FAM13A: variants seen among roughly 807,000 people sequenced by gnomAD.
FAM13A encodes the protein family with sequence similarity 13 member A.
A neutral mutation model predicts 129.6 loss-of-function variants in FAM13A; 76 were observed. The observed-to-expected ratio is 0.59, with a 90% CI of 0.49 to 0.71. FAM13A has a LOEUF of 0.71. FAM13A is among the 30% of genes least tolerant of loss of function. The probability of loss-of-function intolerance (pLI) is 0.00; values close to 1 mark genes in which losing one functional copy is unlikely to be tolerated. For missense variants in FAM13A, 1,108 were observed against 1,249.3 expected (o/e 0.89, Z 1.70); for synonymous variants, 443 against 449.9 (o/e 0.98, Z 0.20).
intron 1 of FAM13A, among the ~76,000 whole-genome samples, chr4:89,044,134 C>A (rs1708682): frequency 2.7e-5 from 4 of 148,626 alleles, no homozygotes; most frequent in African/African-American, 5.0e-5. Flanking sequence ...AAAGACACAA[C>A]ACATAGAATA....
chr4:89,040,286 C>T (rs1769940968), intron 1 of FAM13A, among the ~76,000 whole-genome samples: 1 of 152,068 alleles, frequency 6.6e-6, no homozygotes, highest in African/African-American at 2.4e-5. Flanking sequence ...TCACGGAATG[C>T]TGACTTTTAA....
chr4:88,995,042 G>A (rs1763363018), intron 3 of FAM13A, among the ~76,000 whole-genome samples: 1 of 151,086 alleles, frequency 6.6e-6, no homozygotes, highest in African/African-American at 2.5e-5. Flanking sequence ...TATATTTGTT[G>A]CACACTATGT....
chr4:88,736,074 C>T (rs1738923047), intron 21 of FAM13A, among the ~76,000 whole-genome samples: 1 of 152,110 alleles, frequency 6.6e-6, no homozygotes, highest in Admixed American at 6.5e-5. Context: ...TCTCCAATTA[C>T]TGTGGTTTCA....
rs532525831 is a variant in FAM13A at position 88,766,737 on chromosome 4, C to A, written c.1578+816G>T. ...ATTTAATATATGTTGTTGAATAAAT[C>A]CATCAGTGAATTAGGTCAGTGCCCA... is the stretch of plus-strand genomic sequence containing the variant. On this transcript the variant is annotated intron_variant, in intron 13 of 23. Transcript: ENST00000264344. 3.3e-5 allele frequency among the ~76,000 whole-genome samples: 5 copies of A among 152,260 alleles called. No homozygotes were observed. In the East Asian group the frequency reaches 9.6e-4, roughly 29 times the overall value.
At chr4:88,864,597 C>T (rs758892180) in intron 6 of FAM13A, among the ~76,000 whole-genome samples, 26 of 151,850 alleles carry the variant, frequency 1.7e-4, no homozygotes, top group East Asian at 1.4e-3. Flanking sequence ...TTAGTAGAGA[C>T]GGGGTTTCAC....
intron 6 of FAM13A, among the ~76,000 whole-genome samples, chr4:88,880,105 G>A (rs761755353): frequency 2.0e-5 from 3 of 152,120 alleles, no homozygotes; most frequent in Admixed American, 6.5e-5. Context: ...CTCCGACTTA[G>A]AAGGAGAGAG....
At chr4:88,747,946 G>A in intron 17 of FAM13A, 95 bp from the exon 18 acceptor site, 2 of 863,244 alleles carry the variant, frequency 2.3e-6, no homozygotes, top group East Asian at 2.7e-5. Context: ...TTGGAGTGCA[G>A]TGGCACGATC....
In FAM13A at chr4:88,979,396, C is replaced by A. The variant is rs1352088184; in HGVS notation, c.605+11577G>T. On this transcript the variant is annotated intron_variant, in intron 4 of 23. Coordinates refer to ENST00000264344, the MANE Select transcript of FAM13A (RefSeq NM_014883.4). ...ATGTTCAAGAATAGTTCCTGCAATG[C>A]TGTTTATAAGGGAAACAGTTATTAA... 7.2e-5 allele frequency among the ~76,000 whole-genome samples: 11 copies of A among 152,286 alleles called. 1 individual carries two copies. In the South Asian group the frequency reaches 2.3e-3, roughly 32 times the overall value.
intron 8 of FAM13A, among the ~76,000 whole-genome samples, chr4:88,804,655 G>T (rs931980806): frequency 4.6e-5 from 7 of 151,938 alleles, no homozygotes; most frequent in Non-Finnish European, 8.8e-5. Context: ...TCTGTGAATG[G>T]GTCTTGTACC....
intron 23 of FAM13A, 56 bp from the exon 24 acceptor site, chr4:88,728,715 A>G: frequency 6.3e-6 from 10 of 1,588,820 alleles, no homozygotes; most frequent in Non-Finnish European, 8.6e-6. Flanking sequence ...TTTGCTAGAT[A>G]CTATTCATCG....
Position 88,746,978 on chromosome 4 carries a change from G to A in FAM13A, c.2420C>T (p.Ala807Val), listed in dbSNP as rs768123703. 5 of 1,613,594 alleles carry A rather than the reference G, an allele frequency of 3.1e-6. No individual in the cohort carries two copies. Among genetic ancestry groups the A allele is most frequent in the Admixed American group, 1.7e-5 (1 of 60,022 alleles). Residue 807 changes from alanine to valine, a missense_variant, in exon 19 of 24, where the codon GCT becomes GTT. Ala to Val is a moderately conservative substitution (Grantham distance 64). This residue lies in a region of FAM13A where 529 missense variants were observed against 621.2 expected (regional missense o/e 0.85). Transcript: ENST00000264344. ...TKDQIANEKV[A>V]LQKALLYYES... Reference sequence around the variant, plus strand: ...ATAATATAACAGAGCTTTCTGCAGAGCCACTTTCTCATTAGCAATCTGGTC... The same window carrying A: ...ATAATATAACAGAGCTTTCTGCAGAACCACTTTCTCATTAGCAATCTGGTC...
chr4:88,749,038 G>C lies in FAM13A; in HGVS notation c.2080-5C>G. On this transcript the variant is annotated splice_polypyrimidine_tract_variant and splice_region_variant and intron_variant, in intron 16 of 23. Transcript: ENST00000264344. The stretch of plus-strand genomic sequence containing the variant: ...TGCTTTGTCACTGTGGGAAGGCTGA[G>C]AAAAGGAAGTCTAGAGTAAATGCTT... 1 of 1,606,642 alleles carries C rather than the reference G, an allele frequency of 6.2e-7. No individual in the cohort carries two copies. The highest frequency in any genetic ancestry group is 8.5e-7 in the Non-Finnish European group (1 of 1,173,412).
rs1321256215 is a variant in FAM13A at position 88,845,416 on chromosome 4, T to C, written c.1007+5604A>G. On this transcript the variant is annotated intron_variant, in intron 7 of 23. Transcript: ENST00000264344. ...TTCTTATTTTTTCCTTCTGTGACAC[T>C]AGATTAGCCATGGAAGGAACAGCAG... Among the ~76,000 whole-genome samples, 3 of 151,870 alleles carry C rather than the reference T, an allele frequency of 2.0e-5. No individual in the cohort carries two copies. In the East Asian group the frequency reaches 5.8e-4, roughly 29 times the overall value.
At chr4:88,933,782 G>T (rs540667979) in intron 5 of FAM13A, among the ~76,000 whole-genome samples, 1 of 152,088 alleles carries the variant, frequency 6.6e-6, no homozygotes, top group Admixed American at 6.5e-5. Context: ...CTAATACATT[G>T]CCCTACTTCT....
At chr4:88,843,749 C>A (rs1736207239) in intron 7 of FAM13A, among the ~76,000 whole-genome samples, 1 of 152,194 alleles carries the variant, frequency 6.6e-6, no homozygotes, top group Non-Finnish European at 1.5e-5. Flanking sequence ...TCACAAGGCA[C>A]AAACTTTCTG....
At chr4:88,862,234 A>AT (rs1318130825) in intron 6 of FAM13A, among the ~76,000 whole-genome samples, 2 of 152,236 alleles carry the variant, frequency 1.3e-5, no homozygotes, top group African/African-American at 2.4e-5. Flanking sequence ...TGTATAATGT[A>AT]TTTTTATATA....
intron 5 of FAM13A, among the ~76,000 whole-genome samples, chr4:88,906,927 A>C (rs1310977384): frequency 6.6e-6 from 1 of 152,194 alleles, no homozygotes; most frequent in Non-Finnish European, 1.5e-5. Flanking sequence ...ACCACTATTA[A>C]ACGGTGATAG....
At position 88,876,628 on chromosome 4, in the gene FAM13A, G is replaced by A. The variant is rs184686866; in HGVS notation, c.844-25445C>T. ...TTTTTTTGAGACAGAGTCTCGCTCT[G>A]TCGCCGAGGCTGGAGTGCAGTGGCT... On this transcript the variant is annotated intron_variant, in intron 6 of 23. Transcript: ENST00000264344. Among the ~76,000 whole-genome samples the A allele has an allele frequency of 2.0e-3, 300 of 151,780 alleles. 2 individuals carry two copies. Among genetic ancestry groups the A allele is most frequent in the African/African-American group, 6.7e-3 (277 of 41,328 alleles).
chr4:88,873,693 G>A (rs1319493232), intron 6 of FAM13A, among the ~76,000 whole-genome samples: 1 of 152,180 alleles, frequency 6.6e-6, no homozygotes, highest in African/African-American at 2.4e-5. Context: ...TGGATTCACA[G>A]CCGAATTCTT....
Sources: allele counts gnomAD v4.1 joint callset (sites outside exome capture counted in the v4.1 genomes callset), GRCh38; gene constraint gnomAD v4.1.1; regional missense constraint gnomAD v4.1.1; transcripts MANE v1.5; gene names NCBI Gene and HGNC (gene_info 2026-07-23, HGNC 2026-07-21).